Variants in TP73 observed in about 807,000 individuals in gnomAD.
The protein encoded by TP73 is tumor protein p73.
Under a neutral mutation model 62.5 loss-of-function variants are expected in TP73, and 25 were observed. The observed-to-expected ratio is 0.40, with a 90% CI of 0.29 to 0.56. The LOEUF (loss-of-function observed/expected upper bound fraction) is 0.56, where lower values mean the gene tolerates loss of function less well. TP73 is among the 20% of genes least tolerant of loss of function. The pLI is 0.46. For missense variants in TP73, 754 were observed against 913.3 expected (o/e 0.83, Z 2.25); for synonymous variants, 423 against 377.5 (o/e 1.12, Z -1.40).
At chr1:3,705,184 C>A (rs1454151859) in intron 3 of TP73, among the ~76,000 whole-genome samples, 1 of 152,204 alleles carries the variant, frequency 6.6e-6, no homozygotes, top group African/African-American at 2.4e-5. Context: ...TTACGGGCGT[C>A]CCCCCGTGAT....
chr1:3,657,071 C>T lies in TP73; in HGVS notation c.-34+4430C>T, dbSNP rs117062825. On this transcript the variant is annotated intron_variant, in intron 1 of 13. Transcript: ENST00000378295. ...AACAAAGAAGCGCACATATGATCAC[C>T]TCCCAGTTTTGCTTTTTAAATATTA... Among the ~76,000 whole-genome samples, 141 of 152,360 alleles carry T rather than the reference C, an allele frequency of 9.3e-4. 4 individuals carry two copies. The East Asian group carries it at 0.023, about 25-fold the overall frequency.
rs1638639951 is a variant in TP73 at position 3,696,156 on chromosome 1, G to A, written c.187-11393G>A. 6.6e-6 allele frequency among the ~76,000 whole-genome samples: 1 copy of A among 152,170 alleles called. No homozygotes were observed. The highest frequency in any genetic ancestry group is 6.5e-5 in the Admixed American group (1 of 15,280). Reference sequence around the variant, plus strand: ...TGGGGCCTGAAAAGTGTGACCACCTGGTGGCTCAGTCCTGTGTGCATCAGA... The same window carrying A: ...TGGGGCCTGAAAAGTGTGACCACCTAGTGGCTCAGTCCTGTGTGCATCAGA... On this transcript the variant is annotated intron_variant, in intron 3 of 13. Coordinates refer to ENST00000378295, the MANE Select transcript of TP73 (RefSeq NM_005427.4). The surrounding 1 kb of genome is among the most constrained non-coding windows in gnomAD (Gnocchi z 4.1).
chr1:3,671,644 G>A (rs1444901269), intron 1 of TP73, among the ~76,000 whole-genome samples: 3 of 152,366 alleles, frequency 2.0e-5, no homozygotes, highest in Non-Finnish European at 4.4e-5. Context: ...GTGCGGCCCT[G>A]GGCAGGCTGC....
At position 3,666,034 on chromosome 1, in the gene TP73, A is replaced by G. The variant is rs1645104089; in HGVS notation, c.-34+13393A>G. Among the ~76,000 whole-genome samples, 1 of 148,820 alleles carries G rather than the reference A, an allele frequency of 6.7e-6. No homozygotes were observed. Among genetic ancestry groups the G allele is most frequent in the Non-Finnish European group, 1.5e-5 (1 of 67,482 alleles). On this transcript the variant is annotated intron_variant, in intron 1 of 13. Coordinates refer to ENST00000378295, the MANE Select transcript of TP73 (RefSeq NM_005427.4). This position sits in a 1 kb window ranked among gnomAD's most constrained non-coding sequence, Gnocchi z 6.4. Reference sequence around the variant, plus strand: ...CTACTTGGGAGGCTGAGGCAGGAGAATCGCTTTTGAAGCCAGGAGGCGGAG... The same window carrying G: ...CTACTTGGGAGGCTGAGGCAGGAGAGTCGCTTTTGAAGCCAGGAGGCGGAG...
chr1:3,718,455 T>C (rs968049032), intron 4 of TP73, among the ~76,000 whole-genome samples: 3 of 152,098 alleles, frequency 2.0e-5, no homozygotes, highest in Admixed American at 2.0e-4. Flanking sequence ...GAGAGGCCGC[T>C]GCCTAGGTCT....
At chr1:3,677,637 A>T (rs1185651927) in intron 1 of TP73, among the ~76,000 whole-genome samples, 1 of 150,174 alleles carries the variant, frequency 6.7e-6, no homozygotes, top group Non-Finnish European at 1.5e-5. Context: ...GGTAATACAC[A>T]CTGGACGCCC....
chr1:3,674,933 T>C (rs377731055), intron 1 of TP73, among the ~76,000 whole-genome samples: 15 of 152,322 alleles, frequency 9.8e-5, no homozygotes, highest in East Asian at 7.7e-4. Flanking sequence ...TCTTCTGGGT[T>C]CTGGGTCCTG....
chr1:3,731,093 T>C, intron 12 of TP73, 28 bp downstream of exon 12: 1 of 1,603,050 alleles, frequency 6.2e-7, no homozygotes, highest in Non-Finnish European at 8.5e-7. Flanking sequence ...GGCCTGAGCA[T>C]GTGCTGTCAC....
intron 9 of TP73, among the ~76,000 whole-genome samples, chr1:3,728,521 C>T (rs1641861515): frequency 6.6e-6 from 1 of 152,250 alleles, no homozygotes; most frequent in African/African-American, 2.4e-5. Flanking sequence ...GGTAGAAGTT[C>T]AGCAAGAATC....
intron 4 of TP73, among the ~76,000 whole-genome samples, chr1:3,709,235 C>T (rs375472682): frequency 1.1e-4 from 17 of 152,306 alleles, no homozygotes; most frequent in African/African-American, 3.8e-4. Context: ...GAAGGCTCAG[C>T]CCGGACTCGC....
intron 1 of TP73, among the ~76,000 whole-genome samples, chr1:3,678,113 CT>C (rs1459953768): frequency 1.3e-5 from 2 of 152,202 alleles, no homozygotes; most frequent in Non-Finnish European, 1.5e-5. Context: ...AATTGGTCTC[CT>C]TTCCCCATTG....
At position 3,670,349 on chromosome 1, in the gene TP73, G is replaced by T. The variant is rs182838011; in HGVS notation, c.-33-11984G>T. Among the ~76,000 whole-genome samples, 23 of 152,258 alleles carry T rather than the reference G, an allele frequency of 1.5e-4. No individual in the cohort carries two copies. In the East Asian group the frequency reaches 3.1e-3, roughly 20 times the overall value. ...ACTCAAGAGCCCCATGTCCAGGTGG[G>T]GATGTACAGGAGCCCCTTAGAAGTG... On this transcript the variant is annotated intron_variant, in intron 1 of 13. Transcript: ENST00000378295. This position sits in a 1 kb window ranked among gnomAD's most constrained non-coding sequence, Gnocchi z 5.9.
chr1:3,723,934 T>C (rs1641304360), intron 6 of TP73, among the ~76,000 whole-genome samples: 2 of 151,916 alleles, frequency 1.3e-5, no homozygotes, highest in Admixed American at 1.3e-4. Flanking sequence ...GTGGAAAGAC[T>C]CCTAGGCCAG....
intron 3 of TP73, among the ~76,000 whole-genome samples, chr1:3,695,681 A>T (rs975919974): frequency 2.6e-5 from 4 of 152,256 alleles, no homozygotes; most frequent in Admixed American, 1.3e-4. Flanking sequence ...GAAGCCAATC[A>T]GTGCAGCAAG....
intron 1 of TP73, among the ~76,000 whole-genome samples, chr1:3,654,004 T>G (rs1292075473): frequency 1.3e-5 from 2 of 152,122 alleles, no homozygotes; most frequent in African/African-American, 2.4e-5. Flanking sequence ...TGAAACCCAG[T>G]CTCTACTTGA....
At position 3,666,222 on chromosome 1, in the gene TP73, C is replaced by T. The variant is rs1212557625; in HGVS notation, c.-34+13581C>T. 2.6e-5 allele frequency among the ~76,000 whole-genome samples: 4 copies of T among 151,510 alleles called. No homozygotes were observed. Among genetic ancestry groups the T allele is most frequent in the African/African-American group, 4.9e-5 (2 of 41,142 alleles). On this transcript the variant is annotated intron_variant, in intron 1 of 13. Transcript: ENST00000378295. This position sits in a 1 kb window ranked among gnomAD's most constrained non-coding sequence, Gnocchi z 6.4. ...GCAGTGGTGCAGTCACAGCTGACCACAGCCTCCAACTGCTGGGCTCAGGCC... is the reference window on the plus strand; with the variant it reads ...GCAGTGGTGCAGTCACAGCTGACCATAGCCTCCAACTGCTGGGCTCAGGCC...
intron 3 of TP73, among the ~76,000 whole-genome samples, chr1:3,700,030 A>G (rs936207686): frequency 5.9e-5 from 9 of 151,830 alleles, no homozygotes; most frequent in African/African-American, 2.2e-4. Flanking sequence ...GCTCCCAAGG[A>G]TGGGGTCCCT....
intron 10 of TP73, 64 bp from the exon 11 acceptor site, chr1:3,729,936 T>C (rs1641996315): frequency 2.0e-6 from 3 of 1,515,624 alleles, no homozygotes; most frequent in South Asian, 2.6e-5. Context: ...ATCACGGGCA[T>C]GGGTGGTCGG....
rs76626189 is a variant in TP73 at position 3,657,783 on chromosome 1, C to G, written c.-34+5142C>G. Among the ~76,000 whole-genome samples the G allele has an allele frequency of 8.3e-3, 1,262 of 152,296 alleles. 26 individuals carry two copies. The highest frequency in any genetic ancestry group is 0.029 in the African/African-American group (1,191 of 41,560). ...GATGGGCAGCCCCCCTCTCCCCCAG[C>G]ACCTCCCGCCTGGCGCCTCCTCCAC... is the stretch of plus-strand genomic sequence containing the variant. On this transcript the variant is annotated intron_variant, in intron 1 of 13. Transcript: ENST00000378295.
Sources: allele counts gnomAD v4.1 joint callset (sites outside exome capture counted in the v4.1 genomes callset), GRCh38; gene constraint gnomAD v4.1.1; non-coding constraint Gnocchi (gnomAD v3.1); transcripts MANE v1.5; gene names NCBI Gene and HGNC (gene_info 2026-07-23, HGNC 2026-07-21).